The following SGCZ variants were observed in gnomAD, a reference collection of about 807,000 sequenced individuals.
SGCZ encodes the protein sarcoglycan zeta, also known as zeta-sarcoglycan.
A neutral mutation model predicts 41.3 loss-of-function variants in SGCZ; 40 were observed. That is an observed-to-expected ratio of 0.97 (90% CI 0.75 to 1.26). The LOEUF is 1.26. SGCZ is among the 50% of genes most tolerant of loss of function. The probability of loss-of-function intolerance (pLI) is 0.00; values close to 1 mark genes in which losing one functional copy is unlikely to be tolerated. For synonymous variants in SGCZ, 206 were observed against 137.5 expected, an observed-to-expected ratio of 1.50 and a Z score of -3.49; for missense variants, 552 against 369.8, an observed-to-expected ratio of 1.49 and a Z score of -4.04.
At chr8:15,152,874 A>C (rs1424740940) in intron 1 of SGCZ, among the ~76,000 whole-genome samples, 1 of 152,170 alleles carries the variant, frequency 6.6e-6, no homozygotes, top group East Asian at 1.9e-4. Context: ...TGATTCCCAG[A>C]CCAAGAAAGT....
chr8:14,508,476 C>A (rs773850915), intron 2 of SGCZ, among the ~76,000 whole-genome samples: 7 of 152,070 alleles, frequency 4.6e-5, no homozygotes, highest in Non-Finnish European at 4.4e-5. Context: ...AGAGACAGAA[C>A]CCTCGGAGGC....
chr8:14,390,469 T>A (rs925425446), intron 2 of SGCZ, among the ~76,000 whole-genome samples: 1 of 151,796 alleles, frequency 6.6e-6, no homozygotes, highest in African/African-American at 2.4e-5. Context: ...TATATGTAGA[T>A]AAATAAAAGA....
At chr8:14,588,200 G>GAA (rs34495643) in intron 1 of SGCZ, among the ~76,000 whole-genome samples, 2 of 145,812 alleles carry the variant, frequency 1.4e-5, no homozygotes, top group African/African-American at 5.0e-5. Context: ...TTACCCAGAA[G>GAA]AAAAAAAAAA....
chr8:14,997,773 A>G (rs957802238), intron 1 of SGCZ, among the ~76,000 whole-genome samples: 1 of 152,156 alleles, frequency 6.6e-6, no homozygotes, highest in African/African-American at 2.4e-5. Flanking sequence ...CAGCCTGGTC[A>G]ACTTGGTGAA....
intron 2 of SGCZ, among the ~76,000 whole-genome samples, chr8:14,518,331 T>C (rs2117093606): frequency 6.6e-6 from 1 of 152,224 alleles, no homozygotes; most frequent in Non-Finnish European, 1.5e-5. Flanking sequence ...TCTTACATTG[T>C]ATGCTAGTGT....
At chr8:14,321,337 A>T (rs979251356) in intron 3 of SGCZ, among the ~76,000 whole-genome samples, 59 of 152,136 alleles carry the variant, frequency 3.9e-4, no homozygotes, top group African/African-American at 1.3e-3. Flanking sequence ...AAGGGTGTGA[A>T]TTGCTGAGGC....
At chr8:14,718,789 TC>T (rs1027443188) in intron 1 of SGCZ, among the ~76,000 whole-genome samples, 19 of 151,218 alleles carry the variant, frequency 1.3e-4, no homozygotes, top group Non-Finnish European at 3.0e-5. Context: ...AGTTTAGAAA[TC>T]CCTTCTTCTT....
At chr8:14,290,457 C>G (rs1386827176) in intron 3 of SGCZ, among the ~76,000 whole-genome samples, 1 of 151,886 alleles carries the variant, frequency 6.6e-6, no homozygotes, top group African/African-American at 2.4e-5. Flanking sequence ...GGCTAATATC[C>G]AAAATATATA....
intron 5 of SGCZ, among the ~76,000 whole-genome samples, chr8:14,132,913 T>C (rs548630724): frequency 2.6e-5 from 4 of 152,326 alleles, no homozygotes; most frequent in East Asian, 1.9e-4. Context: ...TTCTAAAGAC[T>C]GAAATTCGCT....
At chr8:14,903,331 T>C (rs2130763881) in intron 1 of SGCZ, among the ~76,000 whole-genome samples, 1 of 152,288 alleles carries the variant, frequency 6.6e-6, no homozygotes, top group South Asian at 2.1e-4. Flanking sequence ...AGAGAAATTT[T>C]ATGATCCTCA....
At chr8:14,531,989 T>G (rs1471771676) in intron 2 of SGCZ, among the ~76,000 whole-genome samples, 2 of 152,136 alleles carry the variant, frequency 1.3e-5, no homozygotes, top group East Asian at 3.9e-4. Context: ...ACAGCTAATT[T>G]TGTCAAACAA....
At chr8:14,116,681 TTTTTA>T (rs1802533469) in intron 5 of SGCZ, among the ~76,000 whole-genome samples, 1 of 152,098 alleles carries the variant, frequency 6.6e-6, no homozygotes, top group Non-Finnish European at 1.5e-5. Context: ...GCTCCTTTGA[TTTTTA>T]TTTTATCACT....
intron 1 of SGCZ, among the ~76,000 whole-genome samples, chr8:14,746,201 A>C (rs1799337012): frequency 6.6e-6 from 1 of 152,148 alleles, no homozygotes; most frequent in Admixed American, 6.6e-5. Context: ...AGATTTAAAA[A>C]AATGGGAACT....
chr8:15,145,657 G>A (rs936213967), intron 1 of SGCZ, among the ~76,000 whole-genome samples: 1 of 152,064 alleles, frequency 6.6e-6, no homozygotes. Context: ...GTCTTACTAT[G>A]TTTCCGAGGC....
intron 5 of SGCZ, among the ~76,000 whole-genome samples, chr8:14,110,079 T>C (rs1802327569): frequency 6.6e-6 from 1 of 152,190 alleles, no homozygotes; most frequent in Admixed American, 6.5e-5. Context: ...AGATATTTAT[T>C]TTATTTCTAC....
chr8:14,383,117 T>C (rs1360569394), intron 2 of SGCZ, among the ~76,000 whole-genome samples: 1 of 152,178 alleles, frequency 6.6e-6, no homozygotes, highest in Non-Finnish European at 1.5e-5. Context: ...GCCCAGCCAT[T>C]CACCAAATAC....
At chr8:14,453,912 G>A (rs975190244) in intron 2 of SGCZ, among the ~76,000 whole-genome samples, 2 of 152,036 alleles carry the variant, frequency 1.3e-5, no homozygotes, top group Non-Finnish European at 2.9e-5. Flanking sequence ...GACATTCTGA[G>A]TGTCAAAATG....
intron 1 of SGCZ, among the ~76,000 whole-genome samples, chr8:15,049,676 G>A (rs1360932974): frequency 6.6e-6 from 1 of 152,012 alleles, no homozygotes; most frequent in African/African-American, 2.4e-5. Context: ...AGTGAGAGAT[G>A]GTGATATAGT....
chr8:14,445,199 C>A (rs771301816), intron 2 of SGCZ, among the ~76,000 whole-genome samples: 19 of 152,200 alleles, frequency 1.2e-4, no homozygotes, highest in Non-Finnish European at 2.4e-4. Flanking sequence ...TAGGACGGGT[C>A]CCCAGTAAAA....
Sources: allele counts gnomAD v4.1 joint callset (sites outside exome capture counted in the v4.1 genomes callset), GRCh38; gene constraint gnomAD v4.1.1; transcripts MANE v1.5; gene names NCBI Gene and HGNC (gene_info 2026-07-23, HGNC 2026-07-21).